Variants in TRAPPC9 observed in about 807,000 individuals in gnomAD.
The protein encoded by TRAPPC9 is trafficking protein particle complex subunit 9, also known as IKK2 binding protein.
In TRAPPC9, 83 loss-of-function variants were observed where a neutral mutation model predicts 124.0. The observed-to-expected ratio is 0.67, with a 90% CI of 0.56 to 0.80. The LOEUF (loss-of-function observed/expected upper bound fraction) is 0.80, where lower values mean the gene tolerates loss of function less well. Among genes scored for constraint, TRAPPC9 ranks in the 30% least tolerant of loss-of-function variants. The pLI is 0.00. For missense variants in TRAPPC9, 1,302 were observed against 1,508.3 expected, an observed-to-expected ratio of 0.86 and a Z score of 2.27; for synonymous variants, 638 against 617.5, an observed-to-expected ratio of 1.03 and a Z score of -0.49.
chr8:140,113,482 T>A (rs1224615611), intron 17 of TRAPPC9, among the ~76,000 whole-genome samples: 2 of 152,208 alleles, frequency 1.3e-5, no homozygotes, highest in Non-Finnish European at 2.9e-5. Context: ...TGGTGATTTC[T>A]ATGTCAAGGA....
intron 17 of TRAPPC9, among the ~76,000 whole-genome samples, chr8:140,211,254 A>AT (rs965307116): frequency 9.9e-5 from 15 of 152,114 alleles, no homozygotes; most frequent in Admixed American, 2.6e-4. Context: ...AAAAAAAAGT[A>AT]TTTTTTTTAA....
intron 20 of TRAPPC9, among the ~76,000 whole-genome samples, chr8:139,900,916 A>T (rs989828226): frequency 4.6e-5 from 7 of 151,970 alleles, no homozygotes; most frequent in Admixed American, 6.6e-5. Flanking sequence ...CCAGATGGGA[A>T]TCTGTGAGGT....
intron 17 of TRAPPC9, among the ~76,000 whole-genome samples, chr8:140,085,605 T>A (rs1291556420): frequency 6.6e-6 from 1 of 152,174 alleles, no homozygotes; most frequent in African/African-American, 2.4e-5. Context: ...AGCCCAGGAC[T>A]TTCAATCCCA....
chr8:140,075,651 G>C (rs1414345916), intron 17 of TRAPPC9, among the ~76,000 whole-genome samples: 2 of 152,244 alleles, frequency 1.3e-5, no homozygotes, highest in Non-Finnish European at 2.9e-5. Flanking sequence ...CGTCAGTAAA[G>C]TGAGCACGGC....
At position 139,735,170 on chromosome 8, in the gene TRAPPC9, G is replaced by A. The variant is rs1002730582; in HGVS notation, c.3056-2968C>T. 7.2e-5 allele frequency among the ~76,000 whole-genome samples: 11 copies of A among 152,312 alleles called. No individual in the cohort carries two copies. In the East Asian group the frequency reaches 1.4e-3, roughly 19 times the overall value. On this transcript the variant is annotated intron_variant, in intron 21 of 22. Coordinates refer to ENST00000438773, the MANE Select transcript of TRAPPC9 (RefSeq NM_001160372.4). ...GGACCAGAAGGACCTGAGCTTGAGC[G>A]CTTCTATCTATGGGACCCCAGGGTA... is the stretch of plus-strand genomic sequence containing the variant.
intron 11 of TRAPPC9, among the ~76,000 whole-genome samples, chr8:140,296,044 C>G (rs1176510863): frequency 6.6e-6 from 1 of 152,184 alleles, no homozygotes; most frequent in Admixed American, 6.5e-5. Flanking sequence ...TCGAGTCCTG[C>G]AACCTGGCAT....
chr8:139,817,833 G>T (rs1563837078), intron 21 of TRAPPC9, among the ~76,000 whole-genome samples: 1 of 152,176 alleles, frequency 6.6e-6, no homozygotes, highest in Non-Finnish European at 1.5e-5. Context: ...CAGGCTATGG[G>T]AACAGACAGA....
intron 7 of TRAPPC9, among the ~76,000 whole-genome samples, chr8:140,375,147 T>C (rs2068400074): frequency 6.6e-6 from 1 of 152,174 alleles, no homozygotes; most frequent in African/African-American, 2.4e-5. Flanking sequence ...AAATGGTCCC[T>C]GGCAAAGCTA....
At position 139,877,485 on chromosome 8, in the gene TRAPPC9, T is replaced by G. The variant is rs189769372; in HGVS notation, c.3055+8394A>C. On this transcript the variant is annotated intron_variant, in intron 21 of 22. Transcript: ENST00000438773. Reference sequence around the variant, plus strand: ...GCTGAGACGGAGGGGTCTCGGGAGCTCCAGCCCGATGTGCAGATTCGGGGT... The same window carrying G: ...GCTGAGACGGAGGGGTCTCGGGAGCGCCAGCCCGATGTGCAGATTCGGGGT... Among the ~76,000 whole-genome samples the G allele has an allele frequency of 2.4e-4, 36 of 152,206 alleles. 1 individual carries two copies. The highest frequency in any genetic ancestry group is 6.8e-3 in the Middle Eastern group (2 of 292).
intron 9 of TRAPPC9, among the ~76,000 whole-genome samples, chr8:140,325,102 C>T (rs774238910): frequency 5.9e-5 from 9 of 152,016 alleles, no homozygotes; most frequent in Admixed American, 2.6e-4. Flanking sequence ...TGCATACACA[C>T]GTCAAAAATA....
chr8:139,815,669 C>T (rs1241241150), intron 21 of TRAPPC9, among the ~76,000 whole-genome samples: 4 of 152,172 alleles, frequency 2.6e-5, no homozygotes, highest in African/African-American at 4.8e-5. Flanking sequence ...TGATTACAGG[C>T]GTGAGCCACA....
chr8:139,847,491 C>T (rs1026628400), intron 21 of TRAPPC9, among the ~76,000 whole-genome samples: 7 of 152,230 alleles, frequency 4.6e-5, no homozygotes, highest in African/African-American at 1.4e-4. Flanking sequence ...CCGCCTCGGC[C>T]GGGTCTGGGG....
intron 4 of TRAPPC9, among the ~76,000 whole-genome samples, chr8:140,427,086 C>T (rs911946955): frequency 4.9e-5 from 6 of 122,420 alleles, no homozygotes; most frequent in East Asian, 3.0e-4. Context: ...CCACCACGAC[C>T]GGCTAATTTT....
intron 15 of TRAPPC9, among the ~76,000 whole-genome samples, chr8:140,265,857 T>A (rs1485293919): frequency 6.6e-6 from 1 of 152,202 alleles, no homozygotes; most frequent in East Asian, 1.9e-4. Flanking sequence ...ACAACATTCA[T>A]GAGAAAAGCA....
chr8:139,776,063 G>T lies in TRAPPC9; in HGVS notation c.3056-43861C>A, dbSNP rs913799313. Reference sequence around the variant, plus strand: ...CCTCCTCTCACCAGGCACCTTCAGAGGTCTTGAGCAATAGCCACCAACCCT... The same window carrying T: ...CCTCCTCTCACCAGGCACCTTCAGATGTCTTGAGCAATAGCCACCAACCCT... On this transcript the variant is annotated intron_variant, in intron 21 of 22. Coordinates refer to ENST00000438773, the MANE Select transcript of TRAPPC9 (RefSeq NM_001160372.4). The surrounding 1 kb of genome is among the most constrained non-coding windows in gnomAD (Gnocchi z 4.1). Among the ~76,000 whole-genome samples, 13 of 152,152 alleles carry T rather than the reference G, an allele frequency of 8.5e-5. No homozygotes were observed. The highest frequency in any genetic ancestry group is 3.1e-4 in the African/African-American group (13 of 41,434).
At chr8:139,951,868 C>A (rs189464822) in intron 19 of TRAPPC9, among the ~76,000 whole-genome samples, 9 of 152,324 alleles carry the variant, frequency 5.9e-5, no homozygotes, top group African/African-American at 2.2e-4. Flanking sequence ...TAAGGCCAAG[C>A]AGCAGGTGAA....
At position 140,371,507 on chromosome 8, in the gene TRAPPC9, A is replaced by T. The variant is rs570173670; in HGVS notation, c.1135-327T>A. ...AACAAGAGTTCATCTACACAACAGGATTTTATCAAGGTCTCTCATCAAACA... is the reference window on the plus strand; with the variant it reads ...AACAAGAGTTCATCTACACAACAGGTTTTTATCAAGGTCTCTCATCAAACA... On this transcript the variant is annotated intron_variant, in intron 7 of 22. Transcript: ENST00000438773. 3.3e-5 allele frequency among the ~76,000 whole-genome samples: 5 copies of T among 152,378 alleles called. No homozygotes were observed. The East Asian group carries it at 9.6e-4, about 29-fold the overall frequency.
intron 21 of TRAPPC9, among the ~76,000 whole-genome samples, chr8:139,860,985 G>C (rs754706798): frequency 2.0e-5 from 3 of 152,372 alleles, no homozygotes; most frequent in Non-Finnish European, 4.4e-5. Flanking sequence ...CGTCTCACAG[G>C]CTGGCGCCTA....
intron 9 of TRAPPC9, among the ~76,000 whole-genome samples, chr8:140,337,482 G>T (rs1563955984): frequency 6.6e-6 from 1 of 152,190 alleles, no homozygotes; most frequent in Non-Finnish European, 1.5e-5. Context: ...AGCAGGCCAG[G>T]ACTGTGACAT....
Sources: allele counts gnomAD v4.1 joint callset (sites outside exome capture counted in the v4.1 genomes callset), GRCh38; gene constraint gnomAD v4.1.1; non-coding constraint Gnocchi (gnomAD v3.1); transcripts MANE v1.5; gene names NCBI Gene and HGNC (gene_info 2026-07-23, HGNC 2026-07-21).